NUCKS1: variants seen among roughly 807,000 people sequenced by gnomAD.
NUCKS1 encodes the protein nuclear ubiquitous casein and cyclin-dependent kinase substrate 1.
In NUCKS1, 2 loss-of-function variants were observed where a neutral mutation model predicts 33.0. The observed-to-expected ratio is 0.06, with a 90% CI of 0.02 to 0.19. The LOEUF is 0.19. Ranked by LOEUF, NUCKS1 falls within the 10% of genes least tolerant of loss-of-function variation. The pLI is 1.00. For synonymous variants in NUCKS1, 106 were observed against 102.8 expected (o/e 1.03, Z -0.19); for missense variants, 201 against 293.6 (o/e 0.68, Z 2.31).
chr1:205,750,122 C>T lies in NUCKS1; in HGVS notation c.-149G>A, dbSNP rs926234129. ...TGCTGGCTTCTCAAACTCCGCTGCT[C>T]TTTGGTTCAGGGCTCCTGGAACAGA... On this transcript the variant is annotated 5_prime_UTR_variant, in exon 1 of 7. Coordinates refer to ENST00000367142, the MANE Select transcript of NUCKS1 (RefSeq NM_022731.5). 9.6e-6 allele frequency: 8 copies of T among 829,364 alleles called. No individual in the cohort carries two copies. The highest frequency in any genetic ancestry group is 3.1e-5 in the South Asian group (2 of 63,534). 51.4% of individuals were successfully genotyped at this position (829,364 alleles called of 1,614,324 possible). A position where few individuals can be genotyped will look rare whatever the true frequency, so the allele number is the denominator to read the frequency against.
rs1162771680 is a variant in NUCKS1 at position 205,717,255 on chromosome 1, T to C, written c.*1025A>G. On this transcript the variant is annotated 3_prime_UTR_variant, in exon 7 of 7. Coordinates refer to ENST00000367142, the MANE Select transcript of NUCKS1 (RefSeq NM_022731.5). ...ATAGCATAAAAGAATGTCAATTCTATTTCATAAAGGAAAAATCTCAACTCT... is the reference window on the plus strand; with the variant it reads ...ATAGCATAAAAGAATGTCAATTCTACTTCATAAAGGAAAAATCTCAACTCT... 1 of 947,238 alleles carries C rather than the reference T, an allele frequency of 1.1e-6. No homozygotes were observed. The highest frequency in any genetic ancestry group is 6.2e-5 in the Admixed American group (1 of 16,220). 58.7% of individuals were successfully genotyped at this position (947,238 alleles called of 1,614,324 possible). A position where few individuals can be genotyped will look rare whatever the true frequency, so the allele number is the denominator to read the frequency against.
At chr1:205,723,811 G>A (rs942951342) in intron 4 of NUCKS1, 115 bp downstream of exon 4, 12 of 700,626 alleles carry the variant, frequency 1.7e-5, no homozygotes, top group East Asian at 1.1e-4. Context: ...AGATGGAAAC[G>A]TCTTTGTAAT....
At position 205,732,673 on chromosome 1, in the gene NUCKS1, T is replaced by C. The variant is rs545531368; in HGVS notation, c.18-3052A>G. On this transcript the variant is annotated intron_variant, in intron 1 of 6. Transcript: ENST00000367142. ...GTGCGTGCCTGTAGTGCCAGCTACT[T>C]GGGAGACTGATGCAGGAGAATTGCT... 1.3e-3 allele frequency among the ~76,000 whole-genome samples: 188 copies of C among 150,068 alleles called. No homozygotes were observed. In the Middle Eastern group the frequency reaches 0.014, roughly 11 times the overall value.
intron 1 of NUCKS1, among the ~76,000 whole-genome samples, chr1:205,736,065 A>G (rs947837811): frequency 3.3e-5 from 5 of 152,056 alleles, no homozygotes; most frequent in Admixed American, 6.5e-5. Flanking sequence ...AATTCTCCCA[A>G]CTCAGCCTCC....
At chr1:205,732,988 A>C (rs1653952771) in intron 1 of NUCKS1, among the ~76,000 whole-genome samples, 1 of 152,046 alleles carries the variant, frequency 6.6e-6, no homozygotes, top group Non-Finnish European at 1.5e-5. Flanking sequence ...TGCAAACACG[A>C]CCATTTTCTG....
intron 3 of NUCKS1, among the ~76,000 whole-genome samples, chr1:205,725,141 C>CA (rs1653718063): frequency 6.6e-6 from 1 of 152,152 alleles, no homozygotes; most frequent in Non-Finnish European, 1.5e-5. Context: ...CCTGGCATCC[C>CA]AAAGTGCTGG....
chr1:205,749,305 A>T (rs1441893973), intron 1 of NUCKS1, among the ~76,000 whole-genome samples: 1 of 152,178 alleles, frequency 6.6e-6, no homozygotes, highest in African/African-American at 2.4e-5. Flanking sequence ...ATTTTCCAGG[A>T]TCCAGTCCCG....
At chr1:205,748,193 AAAATGTT>A (rs1371947813) in intron 1 of NUCKS1, among the ~76,000 whole-genome samples, 1 of 152,200 alleles carries the variant, frequency 6.6e-6, no homozygotes, top group Non-Finnish European at 1.5e-5. Flanking sequence ...TTTTCCAGTA[AAAATGTT>A]CTGTTCATGT....
chr1:205,719,111 G>A (rs1671878161), intron 6 of NUCKS1, among the ~76,000 whole-genome samples: 1 of 152,208 alleles, frequency 6.6e-6, no homozygotes, highest in Non-Finnish European at 1.5e-5. Flanking sequence ...ACAGAGGATG[G>A]GGTAGAGTTC....
chr1:205,724,415 C>T (rs1571573116), intron 3 of NUCKS1, among the ~76,000 whole-genome samples: 1 of 152,078 alleles, frequency 6.6e-6, no homozygotes, highest in African/African-American at 2.4e-5. Context: ...AACTGTAGTC[C>T]GGGCGTGGTG....
chr1:205,744,588 G>A (rs1571589790), intron 1 of NUCKS1, among the ~76,000 whole-genome samples: 2 of 147,166 alleles, frequency 1.4e-5, no homozygotes, highest in African/African-American at 5.0e-5. Context: ...CTAAATGTGA[G>A]GCCTTTCATA....
Position 205,717,650 on chromosome 1 carries a change from A to C in NUCKS1, c.*630T>G. 1 of 985,376 alleles carries C rather than the reference A, an allele frequency of 1.0e-6. No individual in the cohort carries two copies. The highest frequency in any genetic ancestry group is 1.2e-6 in the Non-Finnish European group (1 of 829,930). 61.0% of individuals were successfully genotyped at this position (985,376 alleles called of 1,614,324 possible). On this transcript the variant is annotated 3_prime_UTR_variant, in exon 7 of 7. Transcript: ENST00000367142. ...CCATTGCCCACCCTCCCTACAAGGT[A>C]AAAAATGAGTACTTTTAGTAACAGT...
intron 3 of NUCKS1, among the ~76,000 whole-genome samples, chr1:205,726,868 G>T (rs899303777): frequency 6.6e-6 from 1 of 152,100 alleles, no homozygotes; most frequent in Non-Finnish European, 1.5e-5. Flanking sequence ...CACCAAGAAG[G>T]TCTTGTTACA....
Position 205,723,963 on chromosome 1 carries a change from T to C in NUCKS1, c.192A>G (p.Lys64=), listed in dbSNP as rs774890504. ...SQEDSEDSED[K]DVKTKKDDSH... ...AATCATCCTTCTTGGTCTTCACATC[T>C]TTGTCTTCTGAGTCCTCACTATAAA... Residue 64 remains lysine (K), a synonymous_variant, in exon 4 of 7, where the codon AAA becomes AAG. Transcript: ENST00000367142. The C allele has an allele frequency of 3.7e-6, 6 of 1,612,626 alleles. No individual in the cohort carries two copies. In the Admixed American group the frequency reaches 1.0e-4, roughly 27 times the overall value.
At chr1:205,730,142 C>G (rs934491698) in intron 1 of NUCKS1, among the ~76,000 whole-genome samples, 1 of 152,138 alleles carries the variant, frequency 6.6e-6, no homozygotes, top group African/African-American at 2.4e-5. Context: ...CAACCTTGAC[C>G]TACTGGGCCC....
intron 1 of NUCKS1, among the ~76,000 whole-genome samples, chr1:205,748,922 A>C (rs1332849820): frequency 6.6e-6 from 1 of 152,212 alleles, no homozygotes; most frequent in Non-Finnish European, 1.5e-5. Context: ...AACAGATTGG[A>C]CTAAACCACA....
intron 2 of NUCKS1, among the ~76,000 whole-genome samples, chr1:205,729,071 C>T (rs1366531246): frequency 6.6e-6 from 1 of 152,040 alleles, no homozygotes; most frequent in Non-Finnish European, 1.5e-5. Flanking sequence ...CGAGTTCAAG[C>T]GATTCTCTTG....
intron 2 of NUCKS1, among the ~76,000 whole-genome samples, chr1:205,728,688 A>G (rs1461719885): frequency 6.6e-6 from 1 of 152,174 alleles, no homozygotes; most frequent in African/African-American, 2.4e-5. Flanking sequence ...AGTTAGAATA[A>G]AAAGAAAGAA....
chr1:205,738,626 G>A (rs1237706249), intron 1 of NUCKS1, among the ~76,000 whole-genome samples: 1 of 152,092 alleles, frequency 6.6e-6, no homozygotes, highest in East Asian at 1.9e-4. Flanking sequence ...GCCAGGTGTG[G>A]TGGCCCACAC....
Sources: allele counts gnomAD v4.1 joint callset (sites outside exome capture counted in the v4.1 genomes callset), GRCh38; gene constraint gnomAD v4.1.1; transcripts MANE v1.5; gene names NCBI Gene and HGNC (gene_info 2026-07-23, HGNC 2026-07-21).